Variants in RNF10 observed in about 807,000 individuals in gnomAD.
RNF10 encodes E3 ubiquitin-protein ligase RNF10.
In RNF10, 38 loss-of-function variants were observed where a neutral mutation model predicts 91.4. The ratio of observed to expected loss-of-function variants is 0.42; its 90% CI spans 0.32 to 0.54. The LOEUF is 0.54. RNF10 is among the 20% of genes least tolerant of loss of function. The pLI is 0.16. For synonymous variants in RNF10, 364 were observed against 366.3 expected (o/e 0.99, Z 0.07); for missense variants, 945 against 1,012.0 (o/e 0.93, Z 0.90).
chr12:120,537,812 T>G (rs982539992), intron 1 of RNF10, among the ~76,000 whole-genome samples: 2 of 152,150 alleles, frequency 1.3e-5, no homozygotes, highest in Admixed American at 1.3e-4. Flanking sequence ...AATCCATGCT[T>G]CTTCACTAGC....
In RNF10 at chr12:120,557,340, C is replaced by T; in HGVS notation, c.704C>T (p.Ala235Val). The T allele has an allele frequency of 6.2e-7, 1 of 1,614,168 alleles. No homozygotes were observed. Residue 235 changes from alanine (A) to valine (V), a missense_variant, in exon 5 of 17, where the codon GCC becomes GTC. Transcript: ENST00000325954. ...ATATGCCTCTATCCACCTACTGCAG[C>T]CAAGATAACCCGTTGTGGACACATC... ...CPICLYPPTA[A>V]KITRCGHIFC...
intron 1 of RNF10, among the ~76,000 whole-genome samples, chr12:120,542,440 C>T (rs1593052111): frequency 6.6e-6 from 1 of 152,212 alleles, no homozygotes; most frequent in Admixed American, 6.5e-5. Flanking sequence ...CGGCATGAGC[C>T]ACCAAGTCCA....
At position 120,570,888 on chromosome 12, in the gene RNF10, G is replaced by GA. The variant is rs575088467; in HGVS notation, c.2042-300dup. On this transcript the variant is annotated intron_variant, in intron 13 of 16. Transcript: ENST00000325954. The stretch of plus-strand genomic sequence containing the variant: ...CTATCCTTGAGAGCCAGCCTTTGTG[G>GA]AAAGTATAGCATTTCAAAAGCAAAG... Among the ~76,000 whole-genome samples the GA allele has an allele frequency of 1.1e-4, 16 of 152,274 alleles. No homozygotes were observed. The East Asian group carries it at 2.9e-3, about 28-fold the overall frequency.
At chr12:120,554,945 G>A (rs1873747249) in intron 4 of RNF10, 137 bp downstream of exon 4, 4 of 698,990 alleles carry the variant, frequency 5.7e-6, no homozygotes, top group Non-Finnish European at 1.0e-5. Flanking sequence ...TTTCCCAGAG[G>A]TCAGTTCCTG....
intron 14 of RNF10, among the ~76,000 whole-genome samples, chr12:120,572,088 A>C (rs1185084382): frequency 1.3e-5 from 2 of 150,930 alleles, no homozygotes; most frequent in Non-Finnish European, 2.9e-5. Context: ...CTCTTCTCCA[A>C]GACGGAGTCT....
intron 4 of RNF10, among the ~76,000 whole-genome samples, chr12:120,556,463 G>A (rs1874027645): frequency 6.9e-6 from 1 of 144,332 alleles, no homozygotes; most frequent in Non-Finnish European, 1.5e-5. Context: ...CCCGGGAGAT[G>A]GAGCTTGCAG....
chr12:120,544,175 C>A (rs1270606364), intron 1 of RNF10, among the ~76,000 whole-genome samples: 1 of 151,516 alleles, frequency 6.6e-6, no homozygotes, highest in Non-Finnish European at 1.5e-5. Context: ...TGCAGTGAGC[C>A]GAGATTGCGC....
At chr12:120,536,573 C>G (rs904120469) in intron 1 of RNF10, among the ~76,000 whole-genome samples, 1 of 152,060 alleles carries the variant, frequency 6.6e-6, no homozygotes, top group African/African-American at 2.4e-5. Flanking sequence ...GTTCTCGGGC[C>G]GTGTCAGGAA....
intron 1 of RNF10, among the ~76,000 whole-genome samples, chr12:120,545,697 G>A (rs1284786261): frequency 2.0e-5 from 3 of 151,780 alleles, no homozygotes; most frequent in Non-Finnish European, 2.9e-5. Flanking sequence ...GCCACCATGC[G>A]CGGCTAATTT....
At chr12:120,562,503 A>G (rs371535595) in intron 7 of RNF10, among the ~76,000 whole-genome samples, 1 of 151,026 alleles carries the variant, frequency 6.6e-6, no homozygotes, top group Non-Finnish European at 1.5e-5. Context: ...TGAACTTCCA[A>G]CCTCAGGTGA....
intron 6 of RNF10, among the ~76,000 whole-genome samples, chr12:120,558,613 G>T (rs1786908275): frequency 6.6e-6 from 1 of 151,380 alleles, no homozygotes; most frequent in Non-Finnish European, 1.5e-5. Context: ...CTGTCACCCA[G>T]GCTGGAGTGC....
chr12:120,552,446 A>C, intron 2 of RNF10, 53 bp from the exon 3 acceptor site: 1 of 1,489,382 alleles, frequency 6.7e-7, no homozygotes, highest in Non-Finnish European at 9.2e-7. Flanking sequence ...GGTTTCTGCT[A>C]TAAATCAGTG....
chr12:120,534,770 C>G lies in RNF10; in HGVS notation c.-42C>G. On this transcript the variant is annotated 5_prime_UTR_variant, in exon 1 of 17. Coordinates refer to ENST00000325954, the MANE Select transcript of RNF10 (RefSeq NM_014868.5). ...GCCATGAGCCTGGGTCCCCGCCGCGCCCGCTCCGCTCCGACTGCCGTCGCC... is the reference window on the plus strand; with the variant it reads ...GCCATGAGCCTGGGTCCCCGCCGCGGCCGCTCCGCTCCGACTGCCGTCGCC... 6.6e-7 allele frequency: 1 copy of G among 1,526,566 alleles called. No individual in the cohort carries two copies. Among genetic ancestry groups the G allele is most frequent in the Non-Finnish European group, 8.7e-7 (1 of 1,144,316 alleles). 94.6% of individuals were successfully genotyped at this position (1,526,566 alleles called of 1,614,324 possible). A position where few individuals can be genotyped will look rare whatever the true frequency, so the allele number is the denominator to read the frequency against.
At position 120,534,589 on chromosome 12, in the gene RNF10, C is replaced by T; in HGVS notation, c.-223C>T. 1 of 1,100,986 alleles carries T rather than the reference C, an allele frequency of 9.1e-7. No homozygotes were observed. The highest frequency in any genetic ancestry group is 1.2e-6 in the Non-Finnish European group (1 of 852,006). 68.2% of individuals were successfully genotyped at this position (1,100,986 alleles called of 1,614,324 possible). ...CAGGCCCGGCCCGGACTCCCGAGCC[C>T]CGGCCTCCTCGTCCTCGGTCGCCGC... On this transcript the variant is annotated 5_prime_UTR_variant, in exon 1 of 17. Coordinates refer to ENST00000325954, the MANE Select transcript of RNF10 (RefSeq NM_014868.5).
intron 14 of RNF10, 65 bp downstream of exon 14, chr12:120,571,356 G>A (rs1456025467): frequency 3.5e-6 from 4 of 1,143,034 alleles, no homozygotes; most frequent in Non-Finnish European, 5.3e-6. Context: ...TCATTATTAT[G>A]GGAACCTCCT....
rs762864761 is a variant in RNF10, at chr12:120,565,542, A to G, written c.1885+13A>G. On this transcript the variant is annotated intron_variant, in intron 12 of 16. Coordinates refer to ENST00000325954, the MANE Select transcript of RNF10 (RefSeq NM_014868.5). ...AAACAGGGCAAGTGTAAGTTCAGGA[A>G]CTTTCATCTTTGACTAGCACTGCTG... The G allele has an allele frequency of 5.6e-6, 9 of 1,610,366 alleles. No individual in the cohort carries two copies. In the East Asian group the frequency reaches 1.6e-4, roughly 28 times the overall value.
At chr12:120,559,042 AAATT>A (rs1317283180) in intron 6 of RNF10, among the ~76,000 whole-genome samples, 1 of 136,700 alleles carries the variant, frequency 7.3e-6, no homozygotes, top group Non-Finnish European at 1.5e-5. Context: ...TTAATTAATT[AAATT>A]AACTTTTAAT....
chr12:120,540,369 ACT>A (rs1441192678), intron 1 of RNF10, among the ~76,000 whole-genome samples: 4 of 151,976 alleles, frequency 2.6e-5, no homozygotes, highest in Non-Finnish European at 5.9e-5. Flanking sequence ...GAGAACCACC[ACT>A]CTGAGATTTA....
In RNF10 at chr12:120,537,608, A is replaced by C. The variant is rs564339766; in HGVS notation, c.157+2640A>C. Among the ~76,000 whole-genome samples the C allele has an allele frequency of 4.1e-3, 620 of 152,304 alleles. 8 individuals are homozygous for C. The highest frequency in any genetic ancestry group is 0.014 in the African/African-American group (576 of 41,562). On this transcript the variant is annotated intron_variant, in intron 1 of 16. Transcript: ENST00000325954. Reference sequence around the variant, plus strand: ...GCACCATTGCACTCCAGCCCGTCTAAAAAAACAAAAACTCATGTAAAGGCC... The same window carrying C: ...GCACCATTGCACTCCAGCCCGTCTACAAAAACAAAAACTCATGTAAAGGCC...
Sources: gnomAD v4.1 joint callset for allele counts (sites outside exome capture counted in the v4.1 genomes callset) on GRCh38, gnomAD v4.1.1 for gene constraint, MANE v1.5 for transcripts, NCBI Gene and HGNC (gene_info 2026-07-23, HGNC 2026-07-21) for gene names.